Variants in ARHGAP6 observed in about 807,000 individuals in gnomAD.
ARHGAP6 encodes the protein Rho GTPase activating protein 6.
Under a neutral mutation model 55.7 loss-of-function variants are expected in ARHGAP6, and 16 were observed. That is an observed-to-expected ratio of 0.29 (90% confidence interval 0.19 to 0.44). The LOEUF is 0.44. Among genes scored for constraint, ARHGAP6 ranks in the 20% least tolerant of loss-of-function variants. ARHGAP6 has a pLI of 1.00. For synonymous variants in ARHGAP6, 382 were observed against 360.9 expected (o/e 1.06, Z -0.66); for missense variants, 698 against 808.9 (o/e 0.86, Z 1.66).
At chrX:11,497,066 T>C (rs2050629966) in intron 1 of ARHGAP6, among the ~76,000 whole-genome samples, 1 of 111,776 alleles carries the variant, frequency 8.9e-6, no homozygotes, top group South Asian at 3.8e-4. Context: ...CAGATCTTCT[T>C]TCTTCTGCTT....
intron 1 of ARHGAP6, among the ~76,000 whole-genome samples, chrX:11,590,393 C>T (rs779254589): frequency 9.0e-6 from 1 of 110,551 alleles, no homozygotes; most frequent in East Asian, 2.8e-4. Context: ...AAAATATAAC[C>T]ATGTATTTCC....
chrX:11,204,054 ACT>A (rs1008047739), intron 2 of ARHGAP6, among the ~76,000 whole-genome samples: 1 of 111,313 alleles, frequency 9.0e-6, no homozygotes, highest in African/African-American at 3.3e-5. Context: ...TCTGATATAA[ACT>A]CTGTGTGTGT....
At chrX:11,342,135 A>G (rs2048714764) in intron 1 of ARHGAP6, among the ~76,000 whole-genome samples, 1 of 112,347 alleles carries the variant, frequency 8.9e-6, no homozygotes, top group Non-Finnish European at 1.9e-5. Context: ...AAGTAATGCC[A>G]TAGCAACCTC....
chrX:11,143,539 A>G (rs2045647910), intron 11 of ARHGAP6: 57 of 832,254 alleles, frequency 6.8e-5, no homozygotes, highest in Non-Finnish European at 7.8e-5. Context: ...TACTAACACT[A>G]TTTGGTTCTG....
rs975507329 is a variant in ARHGAP6, at chrX:11,137,785, G to A, written c.*1078C>T. The stretch of plus-strand genomic sequence containing the variant: ...AACTTCAAACTACTAAAGTACGGTA[G>A]AACATTTTACAATACACATAAAATT... On this transcript the variant is annotated 3_prime_UTR_variant, in exon 13 of 13. Coordinates refer to ENST00000337414, the MANE Select transcript of ARHGAP6 (RefSeq NM_013427.3). The A allele has an allele frequency of 8.9e-6, 1 of 112,283 alleles. No homozygotes were observed. The highest frequency in any genetic ancestry group is 1.9e-5 in the Non-Finnish European group (1 of 53,222). 9.3% of individuals were successfully genotyped at this position (112,283 alleles called of 1,213,427 possible). A position where few individuals can be genotyped will look rare whatever the true frequency, so the allele number is the denominator to read the frequency against.
intron 1 of ARHGAP6, among the ~76,000 whole-genome samples, chrX:11,483,704 T>A (rs189384358): frequency 9.0e-6 from 1 of 111,079 alleles, no homozygotes; most frequent in Non-Finnish European, 1.9e-5. Context: ...TGCTTACCAA[T>A]GAAAATATCC....
intron 1 of ARHGAP6, among the ~76,000 whole-genome samples, chrX:11,608,479 T>A (rs187819026): frequency 1.4e-4 from 15 of 110,940 alleles, no homozygotes; most frequent in Non-Finnish European, 2.8e-4. Flanking sequence ...ATAACCACCA[T>A]GAAGCATGAG....
At chrX:11,644,177 T>C (rs747332505) in intron 1 of ARHGAP6, among the ~76,000 whole-genome samples, 38 of 111,164 alleles carry the variant, frequency 3.4e-4, no homozygotes, top group African/African-American at 1.2e-3. Context: ...GCTAAGGGGA[T>C]CATGGAGAGG....
At chrX:11,564,229 A>G (rs1279526711) in intron 1 of ARHGAP6, among the ~76,000 whole-genome samples, 5 of 112,043 alleles carry the variant, frequency 4.5e-5, no homozygotes, top group Non-Finnish European at 9.4e-5. Context: ...GTTAATCATT[A>G]TAAAAGAAAC....
intron 1 of ARHGAP6, among the ~76,000 whole-genome samples, chrX:11,362,326 T>G (rs1473710205): frequency 5.4e-5 from 6 of 111,077 alleles, no homozygotes; most frequent in Non-Finnish European, 1.1e-4. Flanking sequence ...TATGCAGCCA[T>G]AAAAAATGAT....
intron 1 of ARHGAP6, among the ~76,000 whole-genome samples, chrX:11,483,289 C>A (rs947979181): frequency 8.9e-6 from 1 of 111,860 alleles, no homozygotes; most frequent in Non-Finnish European, 1.9e-5. Context: ...AGATGCCGAG[C>A]CATGATTGTT....
chrX:11,234,945 T>TGAAGA (rs2047179851), intron 2 of ARHGAP6, among the ~76,000 whole-genome samples: 1 of 112,612 alleles, frequency 8.9e-6, no homozygotes, highest in South Asian at 3.7e-4. Context: ...GAAGCCAATC[T>TGAAGA]GAAGAGGCTG....
intron 1 of ARHGAP6, among the ~76,000 whole-genome samples, chrX:11,569,770 G>A (rs781605600): frequency 5.4e-5 from 6 of 111,357 alleles, no homozygotes; most frequent in Non-Finnish European, 9.4e-5. Context: ...ACACTTCTTC[G>A]CTCAAATATT....
At chrX:11,569,697 C>A (rs758672438) in intron 1 of ARHGAP6, among the ~76,000 whole-genome samples, 1 of 111,608 alleles carries the variant, frequency 9.0e-6, no homozygotes, top group South Asian at 3.8e-4. Flanking sequence ...TAGCCCTGCA[C>A]CCTCTGTAGC....
At position 11,138,837 on chromosome X, in the gene ARHGAP6, C is replaced by T. The variant is rs942814927; in HGVS notation, c.*26G>A. On this transcript the variant is annotated 3_prime_UTR_variant, in exon 13 of 13. Transcript: ENST00000337414. Reference sequence around the variant, plus strand: ...GGGCTGGAGGGCGGGGGGCTCGGGGCAGGGGGGGCTCGGCTGGGTGCGGGC... The same window carrying T: ...GGGCTGGAGGGCGGGGGGCTCGGGGTAGGGGGGGCTCGGCTGGGTGCGGGC... 6.0e-6 allele frequency: 7 copies of T among 1,160,984 alleles called. No homozygotes were observed. The African/African-American group carries it at 8.9e-5, about 15-fold the overall frequency.
At chrX:11,518,504 A>AATTTAAGTATT (rs201074934) in intron 1 of ARHGAP6, among the ~76,000 whole-genome samples, 1,330 of 90,099 alleles carry the variant, frequency 0.015, 28 homozygotes, top group African/African-American at 0.053. Flanking sequence ...TCTTGGTCAG[A>AATTTAAGTATT]ATTTAAGTAT....
chrX:11,644,235 C>T (rs1443934485), intron 1 of ARHGAP6, among the ~76,000 whole-genome samples: 4 of 110,752 alleles, frequency 3.6e-5, no homozygotes, highest in Non-Finnish European at 7.6e-5. Context: ...CATAATGGAG[C>T]TGATCTGGTA....
Position 11,665,605 on chromosome X carries a change from G to C in ARHGAP6, c.-777C>G, listed in dbSNP as rs1398396276. ...ACGGTGGGATGGAATTCCCGGCGGC[G>C]CTCAGCGCTCTCCGTGGAGGAGGGA... On this transcript the variant is annotated 5_prime_UTR_variant, in exon 1 of 13. Transcript: ENST00000337414. 8.8e-6 allele frequency: 1 copy of C among 113,481 alleles called. No individual in the cohort carries two copies. The highest frequency in any genetic ancestry group is 1.9e-5 in the Non-Finnish European group (1 of 53,403). 9.4% of individuals were successfully genotyped at this position (113,481 alleles called of 1,213,427 possible). A position where few individuals can be genotyped will look rare whatever the true frequency, so the allele number is the denominator to read the frequency against.
At chrX:11,140,923 G>A (rs1459925173) in intron 12 of ARHGAP6, among the ~76,000 whole-genome samples, 3 of 111,915 alleles carry the variant, frequency 2.7e-5, no homozygotes, top group Admixed American at 1.9e-4. Flanking sequence ...ACAAGAACAA[G>A]GCCATGTTGG....
Sources: allele counts gnomAD v4.1 joint callset (sites outside exome capture counted in the v4.1 genomes callset), GRCh38; gene constraint gnomAD v4.1.1; transcripts MANE v1.5; gene names NCBI Gene and HGNC (gene_info 2026-07-23, HGNC 2026-07-21).